The following STX12 variants were observed in gnomAD, a reference collection of about 807,000 sequenced individuals.
STX12 encodes syntaxin-12.
STX12 carries 17 observed loss-of-function variants against 42.2 expected under a neutral mutation model. The ratio of observed to expected loss-of-function variants is 0.40; its 90% confidence interval spans 0.28 to 0.60. STX12 has a LOEUF of 0.60. Ranked by LOEUF, STX12 falls within the 20% of genes least tolerant of loss-of-function variation. The pLI, the probability that STX12 is intolerant of heterozygous loss-of-function variation, is 0.39. For missense variants in STX12, 297 were observed against 330.9 expected (o/e 0.90, Z 0.79); for synonymous variants, 108 against 116.7 (o/e 0.93, Z 0.48).
intron 1 of STX12, among the ~76,000 whole-genome samples, chr1:27,780,588 A>G (rs1185314361): frequency 6.6e-6 from 1 of 152,116 alleles, no homozygotes; most frequent in Non-Finnish European, 1.5e-5. Context: ...CCTTCCATGT[A>G]TTAACCTCGA....
chr1:27,810,614 T>C (rs2088896344), intron 5 of STX12, among the ~76,000 whole-genome samples: 1 of 152,200 alleles, frequency 6.6e-6, no homozygotes, highest in Admixed American at 6.6e-5. Flanking sequence ...ATCTTACCTC[T>C]AATGCAGATT....
chr1:27,775,887 T>C (rs1355459633), intron 1 of STX12, among the ~76,000 whole-genome samples: 1 of 151,986 alleles, frequency 6.6e-6, no homozygotes, highest in African/African-American at 2.4e-5. Flanking sequence ...TCTAGAAGAG[T>C]AATTTAATTT....
intron 1 of STX12, among the ~76,000 whole-genome samples, chr1:27,780,617 C>T (rs2088661869): frequency 6.6e-6 from 1 of 152,022 alleles, no homozygotes; most frequent in African/African-American, 2.4e-5. Context: ...TTTTCCCTGC[C>T]GTGTGTAACC....
In STX12 at chr1:27,817,852, C is replaced by A. The variant is rs747930837; in HGVS notation, c.578C>A (p.Ala193Asp). The change falls in exon 7 of 9, where the codon GCT becomes GAT. Residue 193 changes from alanine to aspartate, a missense_variant and splice_region_variant. Transcript: ENST00000373943. ...TTAATTGTTTTTTGTCTTCCTTAGGCTGACATTTTGGATGTCAATCAGATA... is the reference window on the plus strand; with the variant it reads ...TTAATTGTTTTTTGTCTTCCTTAGGATGACATTTTGGATGTCAATCAGATA... ...ERETAIRQLE[A>D]DILDVNQIFK... The A allele has an allele frequency of 8.1e-6, 13 of 1,613,466 alleles. No individual in the cohort carries two copies. Among genetic ancestry groups the A allele is most frequent in the Non-Finnish European group, 1.1e-5 (13 of 1,179,654 alleles).
intron 3 of STX12, among the ~76,000 whole-genome samples, chr1:27,793,878 A>G (rs1365796574): frequency 1.3e-5 from 2 of 152,086 alleles, no homozygotes; most frequent in African/African-American, 4.8e-5. Context: ...TGCTGCTATT[A>G]TTAACATTAT....
intron 1 of STX12, among the ~76,000 whole-genome samples, chr1:27,779,132 T>G (rs1245408548): frequency 2.0e-5 from 3 of 152,204 alleles, no homozygotes; most frequent in Non-Finnish European, 1.5e-5. Context: ...TGCTATCCTC[T>G]TAAGTATTCA....
chr1:27,801,654 C>A, intron 3 of STX12, 24 bp from the exon 4 acceptor site: 1 of 1,470,236 alleles, frequency 6.8e-7, no homozygotes, highest in Non-Finnish European at 9.0e-7. Flanking sequence ...TATGAAATCT[C>A]AAGTTCTTGC....
intron 1 of STX12, among the ~76,000 whole-genome samples, chr1:27,779,458 C>G (rs1440362677): frequency 6.6e-6 from 1 of 151,902 alleles, no homozygotes; most frequent in African/African-American, 2.4e-5. Context: ...CTCAGCCTCC[C>G]GAGTTGCTGG....
intron 1 of STX12, among the ~76,000 whole-genome samples, chr1:27,782,721 A>T (rs1257636499): frequency 6.6e-6 from 1 of 152,174 alleles, no homozygotes; most frequent in Non-Finnish European, 1.5e-5. Flanking sequence ...CTGTAATCCC[A>T]GCTACTTGGG....
intron 3 of STX12, 64 bp from the exon 4 acceptor site, chr1:27,801,614 G>T: frequency 7.0e-7 from 1 of 1,423,112 alleles, no homozygotes; most frequent in Admixed American, 2.9e-5. Context: ...TACTTTTAAG[G>T]GAAATTAAAA....
chr1:27,811,086 G>A lies in STX12; in HGVS notation c.470+797G>A, dbSNP rs371743625. On this transcript the variant is annotated intron_variant, in intron 5 of 8. Transcript: ENST00000373943. ...TGTAATCCCAGCACTTTGGGAGGCC[G>A]AGGCGGGTGGATCACCTGAGGTCAG... is the stretch of plus-strand genomic sequence containing the variant. Among the ~76,000 whole-genome samples the A allele has an allele frequency of 3.2e-3, 494 of 152,014 alleles. 5 individuals are homozygous for A. Among genetic ancestry groups the A allele is most frequent in the African/African-American group, 0.011 (460 of 41,456 alleles).
At chr1:27,786,669 G>T (rs2088701432) in intron 1 of STX12, among the ~76,000 whole-genome samples, 1 of 152,168 alleles carries the variant, frequency 6.6e-6, no homozygotes, top group Non-Finnish European at 1.5e-5. Flanking sequence ...ATGAATGAAT[G>T]AATGAGTTCT....
chr1:27,780,546 C>T (rs946117084), intron 1 of STX12, among the ~76,000 whole-genome samples: 1 of 152,118 alleles, frequency 6.6e-6, no homozygotes, highest in Non-Finnish European at 1.5e-5. Flanking sequence ...ATGGACTCTC[C>T]GGGGTCAGCA....
chr1:27,782,795 CATT>C (rs777465883), intron 1 of STX12, among the ~76,000 whole-genome samples: 21 of 152,130 alleles, frequency 1.4e-4, no homozygotes, highest in Non-Finnish European at 2.2e-4. Flanking sequence ...GAGACCGTGC[CATT>C]GCACTCCAAC....
At chr1:27,783,703 A>G (rs1363415326) in intron 1 of STX12, among the ~76,000 whole-genome samples, 2 of 152,190 alleles carry the variant, frequency 1.3e-5, no homozygotes, top group East Asian at 3.8e-4. Flanking sequence ...CCTTTGGCCT[A>G]GTCATCTGGT....
rs747252142 is a variant in STX12, at chr1:27,819,695, G to A, written c.695G>A (p.Arg232Lys). The A allele has an allele frequency of 3.7e-6, 6 of 1,613,878 alleles. No homozygotes were observed. The Admixed American group carries it at 8.3e-5, about 22-fold the overall frequency. The change falls in exon 8 of 9, where the codon AGA (arginine) becomes AAA (lysine). Residue 232 changes from arginine (R) to lysine (K), a missense_variant. Physicochemically the swap from Arg to Lys is conservative, Grantham distance 26 (BLOSUM62 2). Coordinates refer to ENST00000373943, the MANE Select transcript of STX12 (RefSeq NM_177424.3). The stretch of plus-strand genomic sequence containing the variant: ...GAAAGCTCAGAGGTGCACGTCGAAA[G>A]AGCCACTGAACAGTTACAGCGAGCT... Reference protein sequence around the residue: ...NVESSEVHVERATEQLQRAAY... With the variant: ...NVESSEVHVEKATEQLQRAAY...
At chr1:27,818,105 AGGC>A in intron 7 of STX12, 182 bp downstream of exon 7, 1 of 555,748 alleles carries the variant, frequency 1.8e-6, no homozygotes, top group South Asian at 2.1e-5. Context: ...GAGTTAGGCT[AGGC>A]GTGGTGGCTC....
chr1:27,804,374 C>T (rs2088846890), intron 4 of STX12, among the ~76,000 whole-genome samples: 2 of 150,046 alleles, frequency 1.3e-5, no homozygotes, highest in Non-Finnish European at 1.5e-5. Context: ...TGCAGTGAGC[C>T]GAGATTGCAC....
intron 2 of STX12, among the ~76,000 whole-genome samples, chr1:27,790,245 G>GTGAGTGTTACAGCTCTT (rs2088730483): frequency 6.6e-6 from 1 of 152,190 alleles, no homozygotes; most frequent in Admixed American, 6.5e-5. Flanking sequence ...GACCTTCGTG[G>GTGAGTGTTACAGCTCTT]TGAGTGTTAC....
Sources: allele counts gnomAD v4.1 joint callset (sites outside exome capture counted in the v4.1 genomes callset), GRCh38; gene constraint gnomAD v4.1.1; transcripts MANE v1.5; gene names NCBI Gene and HGNC (gene_info 2026-07-23, HGNC 2026-07-21).